The following SLC17A2 variants were observed in gnomAD, a reference collection of about 807,000 sequenced individuals.
SLC17A2 encodes the protein solute carrier family 17 member 2, also known as sodium-dependent phosphate transport protein 3.
SLC17A2 carries 38 observed loss-of-function variants against 52.1 expected under a neutral mutation model. That is an observed-to-expected ratio of 0.73 (90% confidence interval 0.56 to 0.96). The LOEUF (loss-of-function observed/expected upper bound fraction) is 0.96, where lower values mean the gene tolerates loss of function less well. SLC17A2 is among the 40% of genes least tolerant of loss of function. SLC17A2 has a pLI of 0.00. For synonymous variants in SLC17A2, 226 were observed against 211.9 expected (o/e 1.07, Z -0.58); for missense variants, 508 against 583.9 (o/e 0.87, Z 1.34).
chr6:25,914,658 G>A lies in SLC17A2; in HGVS notation c.1224C>T (p.Phe408=). ...CAAATCCCCTTGAGATTCCCATGAG[G>A]AAACTTGCATATCTGTGGGAAGATG... ...TLDIAPRYAS[F]LMGISRGFGL... Residue 408 remains phenylalanine (F), a synonymous_variant, in exon 11 of 12, where the codon TTC becomes TTT. Transcript: ENST00000377850. 14 of 1,606,126 alleles carry A rather than the reference G, an allele frequency of 8.7e-6. No individual in the cohort carries two copies. The highest frequency in any genetic ancestry group is 2.2e-5 in the East Asian group (1 of 44,802).
At chr6:25,918,389 G>C (rs1300669547) in intron 6 of SLC17A2, 98 bp downstream of exon 6, 4 of 750,174 alleles carry the variant, frequency 5.3e-6, no homozygotes, top group Middle Eastern at 2.4e-4. Context: ...ATTTGATAAA[G>C]GACATTTTCT....
chr6:25,926,814 C>T (rs1206742618), intron 1 of SLC17A2, among the ~76,000 whole-genome samples: 1 of 152,152 alleles, frequency 6.6e-6, no homozygotes, highest in Non-Finnish European at 1.5e-5. Flanking sequence ...CACCTGTAAT[C>T]CCAGCACTTT....
chr6:25,915,686 C>T, intron 9 of SLC17A2, 40 bp from the exon 10 acceptor site: 1 of 1,612,944 alleles, frequency 6.2e-7, no homozygotes, highest in South Asian at 1.1e-5. Flanking sequence ...CCCTCTGAGA[C>T]CATGTGCAGA....
intron 1 of SLC17A2, among the ~76,000 whole-genome samples, chr6:25,928,900 A>G (rs1460021251): frequency 1.3e-5 from 2 of 152,222 alleles, no homozygotes; most frequent in African/African-American, 4.8e-5. Flanking sequence ...ATGAATTGAA[A>G]TTAAGTTAAA....
chr6:25,929,939 C>T (rs1280990493), intron 1 of SLC17A2, among the ~76,000 whole-genome samples: 1 of 152,154 alleles, frequency 6.6e-6, no homozygotes, highest in Non-Finnish European at 1.5e-5. Flanking sequence ...AGCTGGCACG[C>T]GCACTATGCA....
Position 25,915,503 on chromosome 6 carries a change from G to C in SLC17A2, c.1207C>G (p.Pro403Ala). Residue 403 changes from proline (P) to alanine (A), a missense_variant, in exon 10 of 12, where the codon CCC (proline) becomes GCC (alanine). Physicochemically the swap from Pro to Ala is conservative, Grantham distance 27. Transcript: ENST00000377850. ...AAAAACAGGTAGAGCTCTTACCTGG[G>C]GGCGATATCTAAGGTGTTGATGATA... ...GFIINTLDIAPRYASFLMGIS... is the reference protein window; with the variant it reads ...GFIINTLDIAARYASFLMGIS... 1 of 1,550,558 alleles carries C rather than the reference G, an allele frequency of 6.4e-7. No individual in the cohort carries two copies. The highest frequency in any genetic ancestry group is 2.4e-5 in the East Asian group (1 of 40,912).
intron 2 of SLC17A2, 138 bp from the exon 3 acceptor site, chr6:25,924,044 A>T: frequency 1.5e-6 from 1 of 669,934 alleles, no homozygotes; most frequent in African/African-American, 1.8e-5. Flanking sequence ...AATAGCCAGC[A>T]CTACAAACCC....
In SLC17A2 at chr6:25,923,819, C is replaced by T. The variant is rs536806608; in HGVS notation, c.116G>A (p.Ser39Asn). The T allele has an allele frequency of 1.2e-6, 2 of 1,614,096 alleles. No individual in the cohort carries two copies. The highest frequency in any genetic ancestry group is 2.2e-5 in the East Asian group (1 of 44,900). Residue 39 changes from serine to asparagine, a missense_variant, in exon 3 of 12, where the codon AGC becomes AAC. Ser to Asn is a conservative substitution (Grantham distance 46). Transcript: ENST00000377850. ...FTMITQRVSL[S>N]IAIIAMVNTT... is the part of the protein sequence containing the mutation. ...GTTCACCATGGCGATGATCGCAATG[C>T]TCAGACTCACACGCTGCGTTATCAT... is the stretch of plus-strand genomic sequence containing the variant.
In SLC17A2 at chr6:25,917,077, G is replaced by A. The variant is rs1213953359; in HGVS notation, c.660C>T (p.Gly220=). The A allele has an allele frequency of 1.9e-6, 3 of 1,613,200 alleles. No homozygotes were observed. Among genetic ancestry groups the A allele is most frequent in the South Asian group, 1.1e-5 (1 of 91,066 alleles). The change falls in exon 7 of 12, where the codon GGC becomes GGT. Residue 220 remains glycine (G), a synonymous_variant. Transcript: ENST00000377850. ...TGAACCATAGGAGACAGCAGACACA[G>A]CCAGTGCTACCTGGGAAGAAGGGAT... The part of the protein sequence containing the change: ...PFIFYIFGST[G]CVCCLLWFTV...
intron 2 of SLC17A2, 46 bp from the exon 3 acceptor site, chr6:25,923,952 C>T (rs756853417): frequency 2.7e-6 from 4 of 1,460,994 alleles, no homozygotes; most frequent in Non-Finnish European, 3.8e-6. Flanking sequence ...TGACTGAGAC[C>T]CCTTTCTTTT....
Position 25,914,588 on chromosome 6 carries a change from T to C in SLC17A2, c.1294A>G (p.Ile432Val), listed in dbSNP as rs1359141189. 7 of 1,608,710 alleles carry C rather than the reference T, an allele frequency of 4.4e-6. No individual in the cohort carries two copies. The highest frequency in any genetic ancestry group is 1.6e-4 in the Middle Eastern group (1 of 6,074). Residue 432 changes from isoleucine (I) to valine (V), a missense_variant, in exon 11 of 12, where the codon ATC becomes GTC. Transcript: ENST00000377850. ...IISSTATGFL[I>V]SQDFESGWRN... ...CAATAAACTGGCCCAACCTGACTGA[T>C]GAGGAATCCAGTGGCAGTGGAAGAG...
intron 6 of SLC17A2, among the ~76,000 whole-genome samples, chr6:25,917,615 T>A (rs1766378147): frequency 6.6e-6 from 1 of 152,230 alleles, no homozygotes. Flanking sequence ...GGTTAACATG[T>A]ACAAACCAAA....
chr6:25,928,255 A>G (rs76227198), intron 1 of SLC17A2, among the ~76,000 whole-genome samples: 5,303 of 152,098 alleles, frequency 0.035, 271 homozygotes, highest in African/African-American at 0.11. Flanking sequence ...TAATATTTTA[A>G]TCACAAGCTT....
rs540199306 is a variant in SLC17A2, at chr6:25,926,923, G to A, written c.-83-1044C>T. Among the ~76,000 whole-genome samples, 6 of 152,164 alleles carry A rather than the reference G, an allele frequency of 3.9e-5. No homozygotes were observed. The East Asian group carries it at 5.8e-4, about 15-fold the overall frequency. On this transcript the variant is annotated intron_variant, in intron 1 of 11. Transcript: ENST00000377850. The stretch of plus-strand genomic sequence containing the variant: ...CTCTACTAAAAATACAAAAACAGCC[G>A]GGTGTGGTGGCACATGCCTGTAGAC...
intron 5 of SLC17A2, among the ~76,000 whole-genome samples, chr6:25,919,833 CCAGAGGGAAGTGCAGTG>C (rs1206345861): frequency 6.6e-6 from 1 of 151,290 alleles, no homozygotes; most frequent in Non-Finnish European, 1.5e-5. Flanking sequence ...GGGAGCAGAG[CCAGAGGGAAGTGCAGTG>C]CAGATCTATG....
intron 8 of SLC17A2, 98 bp from the exon 9 acceptor site, chr6:25,915,966 T>C: frequency 8.5e-7 from 1 of 1,182,158 alleles, no homozygotes. Flanking sequence ...CCCATGATAC[T>C]GTGGGTTGTT....
At chr6:25,923,628 C>T in intron 3 of SLC17A2, 67 bp downstream of exon 3, 1 of 1,207,920 alleles carries the variant, frequency 8.3e-7, no homozygotes, top group Non-Finnish European at 1.2e-6. Context: ...TCCACAGAAT[C>T]AAGATCTATG....
At chr6:25,918,016 G>A (rs2151546843) in intron 6 of SLC17A2, among the ~76,000 whole-genome samples, 1 of 152,192 alleles carries the variant, frequency 6.6e-6, no homozygotes, top group East Asian at 1.9e-4. Flanking sequence ...CCCTGGAAGG[G>A]CCCATGGGGA....
intron 7 of SLC17A2, 45 bp from the exon 8 acceptor site, chr6:25,916,891 A>G: frequency 1.2e-6 from 2 of 1,608,524 alleles, no homozygotes; most frequent in Non-Finnish European, 1.7e-6. Flanking sequence ...AGCAGCCAAG[A>G]TGGTGCCTCT....
Sources: allele counts gnomAD v4.1 joint callset (sites outside exome capture counted in the v4.1 genomes callset), GRCh38; gene constraint gnomAD v4.1.1; transcripts MANE v1.5; gene names NCBI Gene and HGNC (gene_info 2026-07-23, HGNC 2026-07-21).